Variants in ELL observed in about 807,000 individuals in gnomAD.
ELL encodes the protein RNA polymerase II elongation factor ELL.
In ELL, 18 loss-of-function variants were observed where a neutral mutation model predicts 64.0. The observed-to-expected ratio is 0.28, with a 90% CI of 0.19 to 0.42. The LOEUF (loss-of-function observed/expected upper bound fraction) is 0.42. Among genes scored for constraint, ELL ranks in the 10% least tolerant of loss-of-function variants. ELL has a pLI of 1.00. For synonymous variants in ELL, 399 were observed against 376.2 expected (o/e 1.06, Z -0.70); for missense variants, 797 against 870.4 (o/e 0.92, Z 1.06).
At chr19:18,445,673 G>C (rs1281602950) in intron 10 of ELL, among the ~76,000 whole-genome samples, 1 of 152,184 alleles carries the variant, frequency 6.6e-6, no homozygotes, top group African/African-American at 2.4e-5. Context: ...AGGGGCCTTG[G>C]CCAGGAGAGA....
chr19:18,459,819 C>T (rs546096987), intron 5 of ELL, among the ~76,000 whole-genome samples: 1 of 152,284 alleles, frequency 6.6e-6, no homozygotes, highest in South Asian at 2.1e-4. Flanking sequence ...AGCCACCGCG[C>T]CCGGCCCATG....
chr19:18,454,192 G>A (rs574265132), intron 6 of ELL, among the ~76,000 whole-genome samples: 1 of 152,190 alleles, frequency 6.6e-6, no homozygotes, highest in Non-Finnish European at 1.5e-5. Context: ...GAATAAAGCT[G>A]TTATTCTTTA....
chr19:18,467,031 A>G (rs1218306860), intron 2 of ELL, among the ~76,000 whole-genome samples: 1 of 152,146 alleles, frequency 6.6e-6, no homozygotes, highest in East Asian at 1.9e-4. Flanking sequence ...CACGTGGAGG[A>G]GCACCAATCC....
At chr19:18,454,579 G>A (rs1377964238) in intron 6 of ELL, among the ~76,000 whole-genome samples, 1 of 151,984 alleles carries the variant, frequency 6.6e-6, no homozygotes, top group Non-Finnish European at 1.5e-5. Context: ...AATGGCTCAT[G>A]CCTGTAATCC....
At chr19:18,509,579 A>G (rs963707357) in intron 1 of ELL, among the ~76,000 whole-genome samples, 25 of 132,592 alleles carry the variant, frequency 1.9e-4, no homozygotes, top group African/African-American at 5.1e-4. Flanking sequence ...AGGCCAATGC[A>G]CGTGCGCGCG....
intron 1 of ELL, among the ~76,000 whole-genome samples, chr19:18,507,082 G>C (rs964367913): frequency 2.6e-5 from 4 of 152,204 alleles, no homozygotes; most frequent in African/African-American, 9.7e-5. Context: ...GCCAGCACTG[G>C]CTGTCCCCTC....
intron 1 of ELL, among the ~76,000 whole-genome samples, chr19:18,482,707 T>C (rs1975327170): frequency 6.6e-6 from 1 of 152,138 alleles, no homozygotes; most frequent in Non-Finnish European, 1.5e-5. Context: ...TTTCAATTTT[T>C]TTCTTTTATG....
intron 1 of ELL, among the ~76,000 whole-genome samples, chr19:18,519,895 T>C (rs1187165427): frequency 6.6e-6 from 1 of 151,886 alleles, no homozygotes; most frequent in African/African-American, 2.4e-5. Flanking sequence ...AAATCCAAGT[T>C]TGAATCACCC....
intron 6 of ELL, among the ~76,000 whole-genome samples, chr19:18,456,024 G>A (rs1340145608): frequency 1.3e-5 from 2 of 151,908 alleles, no homozygotes; most frequent in Non-Finnish European, 2.9e-5. Context: ...TTGAACCCAG[G>A]AGACGGACGT....
At position 18,443,569 on chromosome 19, in the gene ELL, G is replaced by A. The variant is rs532515115; in HGVS notation, c.*1183C>T. ...CACGCCTCAGACCCCACCATGCCCT[G>A]GGGGGTCCCCACATACGCACACTCA... On this transcript the variant is annotated 3_prime_UTR_variant, in exon 12 of 12. Transcript: ENST00000262809. The A allele has an allele frequency of 5.1e-5, 12 of 233,318 alleles. No individual in the cohort carries two copies. Among genetic ancestry groups the A allele is most frequent in the African/African-American group, 1.8e-4 (8 of 45,444 alleles). 14.5% of individuals were successfully genotyped at this position (233,318 alleles called of 1,614,324 possible).
chr19:18,506,237 G>T (rs933234833), intron 1 of ELL, among the ~76,000 whole-genome samples: 1 of 152,212 alleles, frequency 6.6e-6, no homozygotes. Flanking sequence ...TGCTGGCACC[G>T]CCCCAGGCCT....
At chr19:18,485,893 GGA>G (rs1201024746) in intron 1 of ELL, among the ~76,000 whole-genome samples, 1 of 152,018 alleles carries the variant, frequency 6.6e-6, no homozygotes, top group Non-Finnish European at 1.5e-5. Flanking sequence ...GGCTGAGGCA[GGA>G]GAATTGCTTG....
chr19:18,513,743 A>G (rs1976074951), intron 1 of ELL, among the ~76,000 whole-genome samples: 1 of 152,074 alleles, frequency 6.6e-6, no homozygotes, highest in Non-Finnish European at 1.5e-5. Flanking sequence ...CATCCTGGCT[A>G]ACACGGTGAA....
intron 6 of ELL, among the ~76,000 whole-genome samples, chr19:18,453,283 A>AAAAT (rs927558325): frequency 6.6e-6 from 1 of 152,256 alleles, no homozygotes; most frequent in African/African-American, 2.4e-5. Context: ...TCAAAAACAT[A>AAAAT]AAATAAATAA....
At chr19:18,488,858 T>C (rs1975470246) in intron 1 of ELL, among the ~76,000 whole-genome samples, 1 of 152,226 alleles carries the variant, frequency 6.6e-6, no homozygotes, top group Non-Finnish European at 1.5e-5. Flanking sequence ...AATGGCACCC[T>C]GCTATGTCAG....
At chr19:18,479,333 C>G (rs1488482959) in intron 1 of ELL, among the ~76,000 whole-genome samples, 1 of 152,154 alleles carries the variant, frequency 6.6e-6, no homozygotes, top group Non-Finnish European at 1.5e-5. Context: ...GAGCAGAAAG[C>G]AGAAAAATCT....
chr19:18,446,200 G>GA, intron 10 of ELL, 109 bp downstream of exon 10: 1 of 1,305,930 alleles, frequency 7.7e-7, no homozygotes, highest in Non-Finnish European at 1.0e-6. Context: ...GCTGCCTGGG[G>GA]AAGGGCCAGA....
intron 6 of ELL, among the ~76,000 whole-genome samples, chr19:18,452,910 C>A (rs1286138707): frequency 1.3e-5 from 2 of 152,226 alleles, no homozygotes; most frequent in Non-Finnish European, 2.9e-5. Context: ...AAACGTCAGA[C>A]CTCAAAACAG....
chr19:18,502,498 G>C (rs1395288192), intron 1 of ELL, among the ~76,000 whole-genome samples: 2 of 152,220 alleles, frequency 1.3e-5, no homozygotes, highest in Non-Finnish European at 2.9e-5. Flanking sequence ...CCCACCACCA[G>C]GGAAATCCTG....
Sources: allele counts gnomAD v4.1 joint callset (sites outside exome capture counted in the v4.1 genomes callset), GRCh38; gene constraint gnomAD v4.1.1; transcripts MANE v1.5; gene names NCBI Gene and HGNC (gene_info 2026-07-23, HGNC 2026-07-21).